SLC8A1: variants seen among roughly 807,000 people sequenced by gnomAD.
SLC8A1 encodes the protein sodium/calcium exchanger 1.
In SLC8A1, 18 loss-of-function variants were observed where a neutral mutation model predicts 68.3. The observed-to-expected ratio is 0.26, with a 90% CI of 0.18 to 0.39. The LOEUF (loss-of-function observed/expected upper bound fraction) is 0.39. SLC8A1 is among the 10% of genes least tolerant of loss of function. The pLI, the probability that SLC8A1 is intolerant of heterozygous loss-of-function variation, is 1.00. For missense variants in SLC8A1, 985 were observed against 1,156.7 expected, an observed-to-expected ratio of 0.85 and a Z score of 2.15; for synonymous variants, 475 against 415.5, an observed-to-expected ratio of 1.14 and a Z score of -1.74.
At chr2:40,178,439 G>C in intron 2 of SLC8A1, 1 of 1,613,874 alleles carries the variant, frequency 6.2e-7, no homozygotes, top group Non-Finnish European at 8.5e-7. Context: ...CAAGGAAGAA[G>C]GTCTTGTTTT....
At chr2:40,400,069 C>T (rs985939965) in intron 2 of SLC8A1, among the ~76,000 whole-genome samples, 6 of 152,112 alleles carry the variant, frequency 3.9e-5, no homozygotes, top group African/African-American at 9.7e-5. Context: ...GTCACGTACC[C>T]GCTGCTTGCT....
chr2:40,387,225 T>C (rs925977294), intron 2 of SLC8A1, among the ~76,000 whole-genome samples: 1 of 151,456 alleles, frequency 6.6e-6, no homozygotes, highest in African/African-American at 2.5e-5. Context: ...ACATCTTTAC[T>C]TGGATATTTT....
At chr2:40,231,482 C>T (rs897179370) in intron 2 of SLC8A1, among the ~76,000 whole-genome samples, 3 of 152,014 alleles carry the variant, frequency 2.0e-5, no homozygotes, top group Non-Finnish European at 4.4e-5. Context: ...ATCTAGTCCC[C>T]CACTTTTCAC....
At chr2:40,115,719 C>T (rs927741045) in intron 7 of SLC8A1, 90 bp from the exon 11 acceptor site, 34 of 1,488,224 alleles carry the variant, frequency 2.3e-5, no homozygotes, top group Non-Finnish European at 3.0e-5. Context: ...CTCTAGGACC[C>T]AACCCTTAAT....
intron 2 of SLC8A1, among the ~76,000 whole-genome samples, chr2:40,184,985 T>G (rs1054902395): frequency 8.2e-5 from 12 of 146,764 alleles, no homozygotes; most frequent in Non-Finnish European, 1.8e-4. Context: ...GATAAACAAA[T>G]GGCCAATAAG....
At chr2:40,449,201 T>A (rs934114431) in intron 1 of SLC8A1, among the ~76,000 whole-genome samples, 3 of 150,066 alleles carry the variant, frequency 2.0e-5, no homozygotes, top group African/African-American at 7.3e-5. Flanking sequence ...CACACAGACA[T>A]TAATGTCCCA....
At chr2:40,299,964 C>T (rs1043810977) in intron 2 of SLC8A1, among the ~76,000 whole-genome samples, 4 of 152,154 alleles carry the variant, frequency 2.6e-5, no homozygotes, top group African/African-American at 9.7e-5. Flanking sequence ...ATCTCTATCA[C>T]ATTCCTGGCT....
intron 2 of SLC8A1, among the ~76,000 whole-genome samples, chr2:40,371,565 C>T (rs1422130708): frequency 6.6e-6 from 1 of 152,066 alleles, no homozygotes; most frequent in African/African-American, 2.4e-5. Context: ...ACCGAATAGG[C>T]TAATGAAGGT....
chr2:40,279,881 C>T (rs902419104), intron 2 of SLC8A1, among the ~76,000 whole-genome samples: 2 of 152,216 alleles, frequency 1.3e-5, no homozygotes, highest in Non-Finnish European at 2.9e-5. Flanking sequence ...ATTTAGTCTT[C>T]AGCTCTCCTA....
At chr2:40,346,742 C>T (rs1251132426) in intron 2 of SLC8A1, among the ~76,000 whole-genome samples, 1 of 152,024 alleles carries the variant, frequency 6.6e-6, no homozygotes, top group Admixed American at 6.6e-5. Flanking sequence ...TGCATCCTGT[C>T]TAAAGGCACC....
intron 2 of SLC8A1, among the ~76,000 whole-genome samples, chr2:40,280,780 C>G (rs1200172313): frequency 6.6e-6 from 1 of 152,128 alleles, no homozygotes; most frequent in Non-Finnish European, 1.5e-5. Context: ...GAGGTGACAT[C>G]TGAATGGAGT....
chr2:40,238,341 G>A (rs562285122), intron 2 of SLC8A1, among the ~76,000 whole-genome samples: 4 of 152,224 alleles, frequency 2.6e-5, no homozygotes, highest in Non-Finnish European at 4.4e-5. Flanking sequence ...GAAAAGCGCA[G>A]TATTCGGGTG....
At chr2:40,393,714 C>A (rs1046643037) in intron 2 of SLC8A1, among the ~76,000 whole-genome samples, 1 of 151,904 alleles carries the variant, frequency 6.6e-6, no homozygotes, top group Admixed American at 6.6e-5. Flanking sequence ...TTTGATTTGC[C>A]AAAATTCAGC....
intron 2 of SLC8A1, among the ~76,000 whole-genome samples, chr2:40,378,508 ACT>A (rs908095579): frequency 6.6e-6 from 1 of 152,078 alleles, no homozygotes; most frequent in African/African-American, 2.4e-5. Context: ...TGGAGTTTTT[ACT>A]CTCAGTGAAG....
chr2:40,304,313 T>C (rs1268384916), intron 2 of SLC8A1, among the ~76,000 whole-genome samples: 2 of 152,166 alleles, frequency 1.3e-5, no homozygotes, highest in African/African-American at 4.8e-5. Context: ...GCTGTTGGAA[T>C]AGCAATTTTC....
rs1553407546 is a variant in SLC8A1 at position 40,200,173 on chromosome 2, G to GAGATATATATATATATATATATATAT, written c.1809-22319_1809-22318insATATATATATATATATATATATATCT. On this transcript the variant is annotated intron_variant, in intron 2 of 7. Transcript: ENST00000406785. ...AGCACATAGAGGATTTCAAGTCATT[G>GAGATATATATATATATATATATATAT]ATATATATATATATATATTTATATA... 4.2e-4 allele frequency among the ~76,000 whole-genome samples: 2 copies of GAGATATATATATATATATATATATAT among 4,754 alleles called. 1 individual carries two copies. Among genetic ancestry groups the GAGATATATATATATATATATATATAT allele is most frequent in the Admixed American group, 6.7e-3 (2 of 300 alleles). The allele number at this position is 4,754 out of a possible 152,430, so 3.1% of individuals were successfully genotyped here.
intron 2 of SLC8A1, among the ~76,000 whole-genome samples, chr2:40,216,681 T>C (rs530883425): frequency 7.2e-5 from 11 of 152,342 alleles, no homozygotes; most frequent in Admixed American, 2.6e-4. Context: ...CTTGACTTTT[T>C]AATAATTGCC....
intron 2 of SLC8A1, among the ~76,000 whole-genome samples, chr2:40,344,079 G>A (rs1668507297): frequency 6.6e-6 from 1 of 152,108 alleles, no homozygotes; most frequent in South Asian, 2.1e-4. Flanking sequence ...CAGGAGAGAT[G>A]GTCAAGGAAA....
rs562777921 is a variant in SLC8A1 at position 40,228,408 on chromosome 2, T to G, written c.1809-50553A>C. 4.6e-5 allele frequency among the ~76,000 whole-genome samples: 7 copies of G among 152,342 alleles called. No individual in the cohort carries two copies. In the East Asian group the frequency reaches 1.4e-3, roughly 29 times the overall value. On this transcript the variant is annotated intron_variant, in intron 2 of 7. Transcript: ENST00000406785. ...GTGGAAAAGGCTGCGGAAATGCTGC[T>G]GTCTACATTGGCATGACATTGGAAT...
Sources: gnomAD v4.1 joint callset for allele counts (sites outside exome capture counted in the v4.1 genomes callset) on GRCh38, gnomAD v4.1.1 for gene constraint, MANE v1.5 for transcripts, NCBI Gene and HGNC (gene_info 2026-07-23, HGNC 2026-07-21) for gene names.